Variants in CACNG6 observed in about 807,000 individuals in gnomAD.
CACNG6 encodes the protein calcium voltage-gated channel auxiliary subunit gamma 6, also known as voltage-dependent calcium channel gamma-6 subunit.
CACNG6 carries 21 observed loss-of-function variants against 23.9 expected under a neutral mutation model. The observed-to-expected ratio is 0.88, with a 90% CI of 0.62 to 1.26. CACNG6 has a LOEUF of 1.26. Among genes scored for constraint, CACNG6 ranks in the 50% most tolerant of loss-of-function variants. CACNG6 has a pLI of 0.00. For missense variants in CACNG6, 340 were observed against 352.9 expected (o/e 0.96, Z 0.29); for synonymous variants, 182 against 168.9 (o/e 1.08, Z -0.60).
intron 3 of CACNG6, among the ~76,000 whole-genome samples, chr19:54,011,449 A>C (rs1347076556): frequency 6.8e-4 from 92 of 135,828 alleles, no homozygotes; most frequent in South Asian, 2.8e-3. Context: ...AAAAAAAAAA[A>C]AAAACAAAAC....
intron 1 of CACNG6, among the ~76,000 whole-genome samples, chr19:53,996,401 T>C (rs200985538): frequency 1.1e-5 from 1 of 94,422 alleles, no homozygotes; most frequent in South Asian, 2.9e-4. Context: ...CTCTCTCTCT[T>C]TTTTTTTTTG....
chr19:53,998,421 C>T (rs2069543005), intron 2 of CACNG6, 108 bp downstream of exon 2: 1 of 928,450 alleles, frequency 1.1e-6, no homozygotes, highest in Non-Finnish European at 1.7e-6. Context: ...CAGGGCAGGT[C>T]TCGTGTCTAT....
chr19:54,006,522 C>CTTTTTTTTTT (rs766609552), intron 3 of CACNG6, among the ~76,000 whole-genome samples: 94 of 34,176 alleles, frequency 2.8e-3, no homozygotes, highest in Non-Finnish European at 3.5e-3. Context: ...TCTTTCTTTT[C>CTTTTTTTTTT]TTTTTTTTTT....
chr19:53,998,227 C>T lies in CACNG6; in HGVS notation c.332-12C>T. 1 of 1,612,146 alleles carries T rather than the reference C, an allele frequency of 6.2e-7. No homozygotes were observed. Among genetic ancestry groups the T allele is most frequent in the Non-Finnish European group, 8.5e-7 (1 of 1,178,226 alleles). On this transcript the variant is annotated splice_polypyrimidine_tract_variant and intron_variant, in intron 1 of 3. Transcript: ENST00000252729. ...CATCCTCATGTCTGTTTTCTCTCTC[C>T]TGCTCCCACAGAAGCAAACTGCACC...
At chr19:54,008,356 A>C (rs73058732) in intron 3 of CACNG6, among the ~76,000 whole-genome samples, 58 of 152,286 alleles carry the variant, frequency 3.8e-4, no homozygotes, top group Non-Finnish European at 7.5e-4. Context: ...CCGACTCAAA[A>C]CAAAACCAAA....
intron 1 of CACNG6, among the ~76,000 whole-genome samples, chr19:53,994,528 A>G (rs1317553246): frequency 6.6e-6 from 1 of 151,848 alleles, no homozygotes; most frequent in East Asian, 1.9e-4. Flanking sequence ...TTCTACCTCC[A>G]CTGACCCATG....
rs754584633 is a variant in CACNG6, at chr19:54,012,222, G to A, written c.*33G>A. On this transcript the variant is annotated 3_prime_UTR_variant, in exon 4 of 4. Coordinates refer to ENST00000252729, the MANE Select transcript of CACNG6 (RefSeq NM_145814.2). ...CGTGAGACTTCTCTAAGCAACCACC[G>A]AGCCCTTTGACCTTCTCCATTGTAC... 10 of 1,008,016 alleles carry A rather than the reference G, an allele frequency of 9.9e-6. No individual in the cohort carries two copies. The highest frequency in any genetic ancestry group is 1.4e-5 in the Non-Finnish European group (10 of 720,030). The allele number at this position is 1,008,016 out of a possible 1,614,324, so 62.4% of individuals were successfully genotyped here.
chr19:53,998,215 G>T, intron 1 of CACNG6, 24 bp from the exon 2 acceptor site: 1 of 1,609,272 alleles, frequency 6.2e-7, no homozygotes, highest in Non-Finnish European at 8.5e-7. Flanking sequence ...CCTCATGTCT[G>T]TTTTCTCTCT....
chr19:54,002,852 A>G (rs1265376246), intron 3 of CACNG6, among the ~76,000 whole-genome samples: 1 of 152,166 alleles, frequency 6.6e-6, no homozygotes, highest in Non-Finnish European at 1.5e-5. Context: ...GTCTCCCTAA[A>G]TAAAGGGTCG....
chr19:54,006,321 G>A (rs911663380), intron 3 of CACNG6, among the ~76,000 whole-genome samples: 1 of 151,364 alleles, frequency 6.6e-6, no homozygotes, highest in African/African-American at 2.4e-5. Context: ...CCATAAGAAA[G>A]TACCACAGCC....
intron 1 of CACNG6, among the ~76,000 whole-genome samples, chr19:53,996,931 C>T (rs549739700): frequency 8.7e-4 from 111 of 127,928 alleles, no homozygotes; most frequent in Non-Finnish European, 1.5e-3. Flanking sequence ...TGCAGTAGTA[C>T]AATCTTGGCT....
chr19:53,991,724 G>A lies in CACNG6; in HGVS notation c.-1154G>A, dbSNP rs1363922435. 6.6e-6 allele frequency among the ~76,000 whole-genome samples: 1 copy of A among 152,052 alleles called. No individual in the cohort carries two copies. Among genetic ancestry groups the A allele is most frequent in the African/African-American group, 2.4e-5 (1 of 41,410 alleles). Reference sequence around the variant, plus strand: ...GCGGGGCCGAGGCAGGAGAGCGAGAGGGGCCCCTGCTCGGGAGTCGGGGGT... The same window carrying A: ...GCGGGGCCGAGGCAGGAGAGCGAGAAGGGCCCCTGCTCGGGAGTCGGGGGT... On this transcript the variant is annotated 5_prime_UTR_variant, in exon 1 of 4. Transcript: ENST00000252729.
At chr19:54,003,067 A>G (rs1048081566) in intron 3 of CACNG6, among the ~76,000 whole-genome samples, 2 of 152,224 alleles carry the variant, frequency 1.3e-5, no homozygotes, top group Admixed American at 6.5e-5. Context: ...TAAAAAGTAC[A>G]GAGTATGAGA....
At chr19:53,998,871 C>T (rs1044639645) in intron 2 of CACNG6, among the ~76,000 whole-genome samples, 1 of 152,126 alleles carries the variant, frequency 6.6e-6, no homozygotes. Context: ...CCGGGCAAGT[C>T]GCAGCCCCTC....
At chr19:54,004,837 C>T (rs1262032939) in intron 3 of CACNG6, among the ~76,000 whole-genome samples, 4 of 152,146 alleles carry the variant, frequency 2.6e-5, no homozygotes, top group African/African-American at 9.7e-5. Flanking sequence ...GTCACCACCT[C>T]AGAGAGACCA....
intron 3 of CACNG6, among the ~76,000 whole-genome samples, chr19:54,009,239 G>T (rs909658341): frequency 3.3e-5 from 5 of 152,116 alleles, no homozygotes; most frequent in Non-Finnish European, 5.9e-5. Flanking sequence ...TGGCCAACGT[G>T]GTGAAACCCC....
chr19:53,992,766 G>T lies in CACNG6; in HGVS notation c.-112G>T. On this transcript the variant is annotated 5_prime_UTR_variant, in exon 1 of 4. Transcript: ENST00000252729. The surrounding 1 kb of genome is among the most constrained non-coding windows in gnomAD (Gnocchi z 4.1). ...CGGCTCTCCCTCTTTCATACCCAGG[G>T]GAAACTGAGTCCCTCACCCCCTTCA... 1.6e-6 allele frequency: 1 copy of T among 609,166 alleles called. No individual in the cohort carries two copies. The allele number at this position is 609,166 out of a possible 1,614,324, so 37.7% of individuals were successfully genotyped here. A position where few individuals can be genotyped will look rare whatever the true frequency, so the allele number is the denominator to read the frequency against.
chr19:53,996,397 CTCT>C (rs1166556014), intron 1 of CACNG6, among the ~76,000 whole-genome samples: 1 of 112,218 alleles, frequency 8.9e-6, no homozygotes, highest in East Asian at 3.2e-4. Context: ...TTCTCTCTCT[CTCT>C]TTTTTTTTTT....
At chr19:53,999,548 C>A in intron 2 of CACNG6, 86 bp from the exon 3 acceptor site, 4 of 1,472,080 alleles carry the variant, frequency 2.7e-6, no homozygotes, top group Non-Finnish European at 3.7e-6. Flanking sequence ...AATCTTACAT[C>A]TTCCTGGTTC....
Sources: gnomAD v4.1 joint callset for allele counts (sites outside exome capture counted in the v4.1 genomes callset) on GRCh38, gnomAD v4.1.1 for gene constraint, Gnocchi (gnomAD v3.1) non-coding constraint, MANE v1.5 for transcripts, NCBI Gene and HGNC (gene_info 2026-07-23, HGNC 2026-07-21) for gene names.